SH3GL3: variants seen among roughly 807,000 people sequenced by gnomAD.
SH3GL3 encodes the protein SH3 domain containing GRB2 like 3, endophilin A3, also known as endophilin-A3.
A neutral mutation model predicts 47.7 loss-of-function variants in SH3GL3; 33 were observed. That is an observed-to-expected ratio of 0.69 (90% CI 0.52 to 0.92). SH3GL3 has a LOEUF of 0.92. Among genes scored for constraint, SH3GL3 ranks in the 40% least tolerant of loss-of-function variants. The pLI, the probability that SH3GL3 is intolerant of heterozygous loss-of-function variation, is 0.00. For synonymous variants in SH3GL3, 155 were observed against 148.8 expected, an observed-to-expected ratio of 1.04 and a Z score of -0.30; for missense variants, 363 against 417.8, an observed-to-expected ratio of 0.87 and a Z score of 1.14.
rs1456483490 is a variant in SH3GL3 at position 83,548,391 on chromosome 15, T to A, written c.46-10862T>A. Among the ~76,000 whole-genome samples the A allele has an allele frequency of 3.3e-5, 5 of 149,738 alleles. No homozygotes were observed. In the East Asian group the frequency reaches 9.7e-4, roughly 29 times the overall value. The stretch of plus-strand genomic sequence containing the variant: ...ATTTATATATATTTATATATATAAA[T>A]TCACATATATTACATAAATGTGTAT... On this transcript the variant is annotated intron_variant, in intron 1 of 8. Coordinates refer to ENST00000427482, the MANE Select transcript of SH3GL3 (RefSeq NM_003027.5).
intron 8 of SH3GL3, among the ~76,000 whole-genome samples, chr15:83,590,971 G>T (rs1019856189): frequency 7.2e-5 from 11 of 152,024 alleles, no homozygotes; most frequent in Non-Finnish European, 1.5e-4. Flanking sequence ...TGAAGTCTAG[G>T]AATTCTTTGC....
chr15:83,464,178 C>T (rs1048889949), intron 1 of SH3GL3, among the ~76,000 whole-genome samples: 1 of 152,184 alleles, frequency 6.6e-6, no homozygotes, highest in Non-Finnish European at 1.5e-5. Flanking sequence ...ATCTCATGGT[C>T]ACTTCTCCAT....
chr15:83,507,335 C>G (rs1249756829), intron 1 of SH3GL3, among the ~76,000 whole-genome samples: 2 of 151,538 alleles, frequency 1.3e-5, no homozygotes, highest in Non-Finnish European at 2.9e-5. Context: ...AATGAATGAT[C>G]TTTACTGATA....
intron 1 of SH3GL3, among the ~76,000 whole-genome samples, chr15:83,550,640 G>T (rs1464025324): frequency 1.3e-5 from 2 of 152,110 alleles, no homozygotes; most frequent in Non-Finnish European, 2.9e-5. Flanking sequence ...TCTGCCTGCT[G>T]TGGCCTTCCA....
Position 83,447,563 on chromosome 15 carries a change from C to A in SH3GL3, c.30C>A (p.Phe10Leu), listed in dbSNP as rs2039496488. Reference sequence around the variant, plus strand: ...CGGTGGCCGGGCTGAAGAAGCAGTTCCACAAAGCCAGCCAGGTAGGGAGGC... The same window carrying A: ...CGGTGGCCGGGCTGAAGAAGCAGTTACACAAAGCCAGCCAGGTAGGGAGGC... The part of the protein sequence containing the change: MSVAGLKKQ[F>L]HKASQLFSEK... Residue 10 changes from phenylalanine (F) to leucine (L), a missense_variant, in exon 1 of 9, where the codon TTC (phenylalanine) becomes TTA (leucine). Phe to Leu is a conservative substitution (Grantham distance 22, BLOSUM62 0). Coordinates refer to ENST00000427482, the MANE Select transcript of SH3GL3 (RefSeq NM_003027.5). The surrounding 1 kb of genome is among the most constrained non-coding windows in gnomAD (Gnocchi z 5.1). 2 of 1,507,736 alleles carry A rather than the reference C, an allele frequency of 1.3e-6. No individual in the cohort carries two copies. Among genetic ancestry groups the A allele is most frequent in the Non-Finnish European group, 8.9e-7 (1 of 1,126,056 alleles). 93.4% of individuals were successfully genotyped at this position (1,507,736 alleles called of 1,614,324 possible). A position where few individuals can be genotyped will look rare whatever the true frequency, so the allele number is the denominator to read the frequency against.
chr15:83,536,057 A>G (rs1169717120), intron 1 of SH3GL3, among the ~76,000 whole-genome samples: 1 of 152,224 alleles, frequency 6.6e-6, no homozygotes, highest in African/African-American at 2.4e-5. Flanking sequence ...AAAAGTGAAT[A>G]CAAGTAAATC....
At chr15:83,567,516 C>G (rs543053647) in intron 3 of SH3GL3, among the ~76,000 whole-genome samples, 7 of 152,200 alleles carry the variant, frequency 4.6e-5, no homozygotes, top group African/African-American at 7.2e-5. Flanking sequence ...GAAGGTAAGA[C>G]GCAGTGATGC....
chr15:83,467,897 G>A (rs973821142), intron 1 of SH3GL3, among the ~76,000 whole-genome samples: 1 of 151,972 alleles, frequency 6.6e-6, no homozygotes, highest in Admixed American at 6.6e-5. Context: ...GCACAATCTT[G>A]GCTCACTGCA....
intron 1 of SH3GL3, among the ~76,000 whole-genome samples, chr15:83,483,876 C>T (rs1213272981): frequency 6.6e-6 from 1 of 152,182 alleles, no homozygotes; most frequent in Non-Finnish European, 1.5e-5. Context: ...AAGCTGCTGC[C>T]AGGAAGTTGG....
chr15:83,449,387 C>G (rs1005861397), intron 1 of SH3GL3, among the ~76,000 whole-genome samples: 2 of 152,202 alleles, frequency 1.3e-5, no homozygotes, highest in African/African-American at 4.8e-5. Flanking sequence ...GTGAGCAGAG[C>G]AGAGCAGAGC....
At chr15:83,482,683 C>A (rs184678704) in intron 1 of SH3GL3, among the ~76,000 whole-genome samples, 2 of 151,798 alleles carry the variant, frequency 1.3e-5, no homozygotes, top group Non-Finnish European at 2.9e-5. Context: ...TTAGTAGAGG[C>A]GAGTTTTCAT....
chr15:83,460,097 G>A (rs1343466435), intron 1 of SH3GL3, among the ~76,000 whole-genome samples: 1,474 of 110,430 alleles, frequency 0.013, 38 homozygotes, highest in African/African-American at 0.046. Flanking sequence ...TTCCTTCCTT[G>A]CTTCCTTCCT....
Position 83,618,360 on chromosome 15 carries a change from T to C in SH3GL3, c.*73T>C. 2 of 923,836 alleles carry C rather than the reference T, an allele frequency of 2.2e-6. No individual in the cohort carries two copies. The highest frequency in any genetic ancestry group is 4.3e-4 in the Middle Eastern group (2 of 4,636). The allele number at this position is 923,836 out of a possible 1,614,324, so 57.2% of individuals were successfully genotyped here. Reference sequence around the variant, plus strand: ...ACACCAGTGTGCTCTCAGTGCGGTGTTCTGTGACATCCTTTGCTCTCTGAC... The same window carrying C: ...ACACCAGTGTGCTCTCAGTGCGGTGCTCTGTGACATCCTTTGCTCTCTGAC... On this transcript the variant is annotated 3_prime_UTR_variant, in exon 9 of 9. Coordinates refer to ENST00000427482, the MANE Select transcript of SH3GL3 (RefSeq NM_003027.5).
At chr15:83,536,405 C>CTTTTCT (rs1555491015) in intron 1 of SH3GL3, among the ~76,000 whole-genome samples, 2,614 of 113,598 alleles carry the variant, frequency 0.023, 80 homozygotes, top group African/African-American at 0.068. Flanking sequence ...CTTTTCTTTT[C>CTTTTCT]TTTTTTTTTT....
At chr15:83,458,857 G>A (rs945439039) in intron 1 of SH3GL3, among the ~76,000 whole-genome samples, 2 of 152,226 alleles carry the variant, frequency 1.3e-5, no homozygotes, top group South Asian at 2.1e-4. Flanking sequence ...TCTCTAGAGG[G>A]ATAGGACTAA....
rs528294464 is a variant in SH3GL3, at chr15:83,542,596, CCATGAA to C, written c.46-16649_46-16644del. 1.9e-3 allele frequency among the ~76,000 whole-genome samples: 285 copies of C among 152,278 alleles called. 1 individual carries two copies. Among genetic ancestry groups the C allele is most frequent in the African/African-American group, 6.6e-3 (273 of 41,572 alleles). ...TTTTAACAATATTGATTCTTCCAAT[CCATGAA>C]CATGAACTATCTTTCTATTTCTGGT... On this transcript the variant is annotated intron_variant, in intron 1 of 8. Transcript: ENST00000427482.
intron 1 of SH3GL3, among the ~76,000 whole-genome samples, chr15:83,474,358 T>G (rs2040993733): frequency 6.6e-6 from 1 of 152,222 alleles, no homozygotes; most frequent in South Asian, 2.1e-4. Flanking sequence ...GCCTAGATCC[T>G]CTTGATTTTT....
chr15:83,468,032 A>T (rs532524668), intron 1 of SH3GL3, among the ~76,000 whole-genome samples: 3 of 152,102 alleles, frequency 2.0e-5, no homozygotes, highest in Non-Finnish European at 4.4e-5. Flanking sequence ...GGGTTTCACC[A>T]TGTTAGCCAG....
chr15:83,593,528 A>C (rs2060159685), intron 8 of SH3GL3, among the ~76,000 whole-genome samples: 2 of 152,068 alleles, frequency 1.3e-5, no homozygotes, highest in South Asian at 4.1e-4. Context: ...TATTCCATTG[A>C]TTTTTGTATA....
Sources: allele counts gnomAD v4.1 joint callset (sites outside exome capture counted in the v4.1 genomes callset), GRCh38; gene constraint gnomAD v4.1.1; non-coding constraint Gnocchi (gnomAD v3.1); transcripts MANE v1.5; gene names NCBI Gene and HGNC (gene_info 2026-07-23, HGNC 2026-07-21).